The following CNTN3 variants were observed in gnomAD, a reference collection of about 807,000 sequenced individuals.
CNTN3 encodes contactin-3.
A neutral mutation model predicts 119.1 loss-of-function variants in CNTN3; 60 were observed. The ratio of observed to expected loss-of-function variants is 0.50; its 90% CI spans 0.41 to 0.62. The LOEUF is 0.62. CNTN3 is among the 20% of genes least tolerant of loss of function. The pLI, the probability that CNTN3 is intolerant of heterozygous loss-of-function variation, is 0.00. For synonymous variants in CNTN3, 450 were observed against 438.7 expected (o/e 1.03, Z -0.32); for missense variants, 1,101 against 1,242.4 (o/e 0.89, Z 1.71).
At chr3:74,604,492 T>C (rs1448638961) in intron 1 of CNTN3, among the ~76,000 whole-genome samples, 1 of 152,048 alleles carries the variant, frequency 6.6e-6, no homozygotes, top group Non-Finnish European at 1.5e-5. Flanking sequence ...AATTTTAAAA[T>C]AGGCAAAGAT....
At chr3:74,478,688 A>C in intron 4 of CNTN3, among the ~76,000 whole-genome samples, 1 of 152,154 alleles carries the variant, frequency 6.6e-6, no homozygotes, top group East Asian at 1.9e-4. Flanking sequence ...GGCACATCTA[A>C]GTTTCCATTA....
chr3:74,586,025 T>C (rs1704587364), intron 1 of CNTN3, among the ~76,000 whole-genome samples: 1 of 152,174 alleles, frequency 6.6e-6, no homozygotes, highest in African/African-American at 2.4e-5. Flanking sequence ...GTAAAATTAC[T>C]GTCTTGGAAT....
chr3:74,551,634 C>T (rs1559654713), intron 1 of CNTN3, among the ~76,000 whole-genome samples: 1 of 151,998 alleles, frequency 6.6e-6, no homozygotes, highest in Non-Finnish European at 1.5e-5. Flanking sequence ...TCCTTCCCTC[C>T]ATCCATCTAA....
intron 3 of CNTN3, among the ~76,000 whole-genome samples, chr3:74,497,836 C>A (rs1703092538): frequency 6.6e-6 from 1 of 151,872 alleles, no homozygotes; most frequent in South Asian, 2.1e-4. Context: ...AACAGTGAAA[C>A]TTCTTTATCA....
intron 2 of CNTN3, among the ~76,000 whole-genome samples, chr3:74,510,022 TATATATAC>T (rs1703336651): frequency 6.2e-5 from 1 of 16,072 alleles, no homozygotes; most frequent in African/African-American, 2.2e-4. Context: ...TTTATATACA[TATATATAC>T]ATATATATAA....
intron 1 of CNTN3, among the ~76,000 whole-genome samples, chr3:74,604,362 AG>A (rs1704959765): frequency 6.6e-6 from 1 of 152,152 alleles, no homozygotes; most frequent in South Asian, 2.1e-4. Context: ...AAGAATCAAC[AG>A]GAAGAAGAGA....
chr3:74,356,570 G>A (rs1035902137), intron 11 of CNTN3, among the ~76,000 whole-genome samples: 1 of 151,998 alleles, frequency 6.6e-6, no homozygotes, highest in Non-Finnish European at 1.5e-5. Flanking sequence ...ACAAACAATG[G>A]CATCGATGTA....
intron 1 of CNTN3, among the ~76,000 whole-genome samples, chr3:74,558,207 T>A (rs995490169): frequency 6.6e-6 from 1 of 152,170 alleles, no homozygotes; most frequent in African/African-American, 2.4e-5. Flanking sequence ...GAACCCCCCA[T>A]AGGATGGGCT....
intron 4 of CNTN3, among the ~76,000 whole-genome samples, chr3:74,426,516 G>A (rs1022876753): frequency 6.6e-6 from 1 of 152,138 alleles, no homozygotes; most frequent in Non-Finnish European, 1.5e-5. Flanking sequence ...GTATATCAGA[G>A]AGAAATAAGA....
chr3:74,288,211 T>C (rs1702154451), intron 19 of CNTN3, among the ~76,000 whole-genome samples: 1 of 145,314 alleles, frequency 6.9e-6, no homozygotes, highest in Admixed American at 7.2e-5. Flanking sequence ...CAGGCTGGAA[T>C]ATAGTGGCAC....
At chr3:74,461,462 G>A (rs7629343) in intron 4 of CNTN3, among the ~76,000 whole-genome samples, 78,153 of 151,708 alleles carry the variant, frequency 0.52, 20,591 homozygotes, top group Non-Finnish European at 0.57. Context: ...TTAGAGTCAA[G>A]TTATTATTTA....
intron 22 of CNTN3, among the ~76,000 whole-genome samples, chr3:74,264,744 C>A (rs183874990): frequency 1.7e-3 from 253 of 152,186 alleles, no homozygotes; most frequent in East Asian, 3.9e-4. Context: ...TTATAAGCCA[C>A]CTGTCTAGGT....
chr3:74,436,487 C>A (rs550993913), intron 4 of CNTN3, among the ~76,000 whole-genome samples: 1 of 152,268 alleles, frequency 6.6e-6, no homozygotes, highest in South Asian at 2.1e-4. Flanking sequence ...GGTAGCTGCT[C>A]TCTAGCAAGC....
intron 5 of CNTN3, 76 bp downstream of exon 5, chr3:74,424,769 C>A (rs1332920453): frequency 8.6e-7 from 1 of 1,169,262 alleles, no homozygotes; most frequent in Non-Finnish European, 1.3e-6. Context: ...TTTACAGATG[C>A]AATAACAGTA....
intron 1 of CNTN3, among the ~76,000 whole-genome samples, chr3:74,585,039 T>A (rs1197587942): frequency 6.6e-6 from 1 of 152,202 alleles, no homozygotes; most frequent in Non-Finnish European, 1.5e-5. Context: ...TGTTCCTTTA[T>A]AATCTAACCA....
chr3:74,539,267 G>A (rs1221559696), intron 1 of CNTN3, among the ~76,000 whole-genome samples: 1 of 152,102 alleles, frequency 6.6e-6, no homozygotes, highest in Non-Finnish European at 1.5e-5. Context: ...ATTTAGTACT[G>A]AATATTGGTG....
chr3:74,467,113 T>A (rs1401076597), intron 4 of CNTN3, among the ~76,000 whole-genome samples: 1 of 152,084 alleles, frequency 6.6e-6, no homozygotes, highest in Admixed American at 6.6e-5. Context: ...CAAATACAAT[T>A]TTTTTCAAAA....
intron 13 of CNTN3, among the ~76,000 whole-genome samples, chr3:74,316,620 T>A (rs536117609): frequency 6.6e-6 from 1 of 152,052 alleles, no homozygotes; most frequent in South Asian, 2.1e-4. Flanking sequence ...GTAAAGAAAA[T>A]GTGGTACATA....
chr3:74,329,961 T>A (rs1423444326), intron 13 of CNTN3, among the ~76,000 whole-genome samples: 2 of 152,136 alleles, frequency 1.3e-5, no homozygotes, highest in Non-Finnish European at 2.9e-5. Flanking sequence ...CAGGAAGAGA[T>A]CTCATGGCAG....
Sources: allele counts gnomAD v4.1 joint callset (sites outside exome capture counted in the v4.1 genomes callset), GRCh38; gene constraint gnomAD v4.1.1; transcripts MANE v1.5; gene names NCBI Gene and HGNC (gene_info 2026-07-23, HGNC 2026-07-21).